KIRREL3: variants seen among roughly 807,000 people sequenced by gnomAD.
KIRREL3 encodes kin of IRRE-like protein 3.
KIRREL3 carries 36 observed loss-of-function variants against 89.7 expected under a neutral mutation model. The ratio of observed to expected loss-of-function variants is 0.40; its 90% CI spans 0.31 to 0.53. The LOEUF is 0.53. KIRREL3 is among the 20% of genes least tolerant of loss of function. KIRREL3 has a pLI of 0.49. For synonymous variants in KIRREL3, 445 were observed against 441.4 expected (o/e 1.01, Z -0.10); for missense variants, 864 against 1,056.6 (o/e 0.82, Z 2.53).
chr11:126,707,869 A>G (rs1361598245), intron 1 of KIRREL3, among the ~76,000 whole-genome samples: 1 of 146,956 alleles, frequency 6.8e-6, no homozygotes, highest in Non-Finnish European at 1.5e-5. Flanking sequence ...GAATCCTTCC[A>G]CTCTGGGCCA....
rs745571926 is a variant in KIRREL3, at chr11:126,987,514, C to T, written c.55+12941G>A. Among the ~76,000 whole-genome samples, 4 of 152,156 alleles carry T rather than the reference C, an allele frequency of 2.6e-5. No individual in the cohort carries two copies. The highest frequency in any genetic ancestry group is 6.5e-5 in the Admixed American group (1 of 15,278). Reference sequence around the variant, plus strand: ...GATTCTGACCAGTTCCAGTATTCAGCTGTTTTCACCTGTAAAGTATGGATT... The same window carrying T: ...GATTCTGACCAGTTCCAGTATTCAGTTGTTTTCACCTGTAAAGTATGGATT... On this transcript the variant is annotated intron_variant, in intron 1 of 16. Transcript: ENST00000525144. The surrounding 1 kb of genome is among the most constrained non-coding windows in gnomAD (Gnocchi z 4.6).
rs536715887 is a variant in KIRREL3, at chr11:126,703,239, G to A, written c.56-140327C>T. 1.2e-4 allele frequency among the ~76,000 whole-genome samples: 19 copies of A among 152,306 alleles called. No individual in the cohort carries two copies. In the South Asian group the frequency reaches 3.9e-3, roughly 32 times the overall value. On this transcript the variant is annotated intron_variant, in intron 1 of 16. Transcript: ENST00000525144. This position sits in a 1 kb window ranked among gnomAD's most constrained non-coding sequence, Gnocchi z 4.6. The stretch of plus-strand genomic sequence containing the variant: ...CTTCACAGGCTGGGCTGCCATGAGC[G>A]GCTGCTGCAGGCTGTGCACTGCACA...
Position 126,491,201 on chromosome 11 carries a change from A to G in KIRREL3, c.434-17735T>C, listed in dbSNP as rs1343381758. On this transcript the variant is annotated intron_variant, in intron 4 of 16. Coordinates refer to ENST00000525144, the MANE Select transcript of KIRREL3 (RefSeq NM_032531.4). The surrounding 1 kb of genome is among the most constrained non-coding windows in gnomAD (Gnocchi z 5.5). Reference sequence around the variant, plus strand: ...CCCCGGGCGTCAGCGTCTGCATCTGAAAGTGGGCATGGCGGTGAAACCACC... The same window carrying G: ...CCCCGGGCGTCAGCGTCTGCATCTGGAAGTGGGCATGGCGGTGAAACCACC... Among the ~76,000 whole-genome samples the G allele has an allele frequency of 6.6e-6, 1 of 152,178 alleles. No homozygotes were observed. The highest frequency in any genetic ancestry group is 1.5e-5 in the Non-Finnish European group (1 of 68,034).
At position 126,769,489 on chromosome 11, in the gene KIRREL3, TTCTC is replaced by T. The variant is rs1376888635; in HGVS notation, c.56-206581_56-206578del. On this transcript the variant is annotated intron_variant, in intron 1 of 16. Coordinates refer to ENST00000525144, the MANE Select transcript of KIRREL3 (RefSeq NM_032531.4). The surrounding 1 kb of genome is among the most constrained non-coding windows in gnomAD (Gnocchi z 4.3). Reference sequence around the variant, plus strand: ...CCCGTGAAAACCGTGCACTCCTGTCTTCTCTCTAACAGTTAATGAGAACGATAGG... The same window carrying T: ...CCCGTGAAAACCGTGCACTCCTGTCTTCTAACAGTTAATGAGAACGATAGG... 6.6e-6 allele frequency among the ~76,000 whole-genome samples: 1 copy of T among 152,194 alleles called. No homozygotes were observed. Among genetic ancestry groups the T allele is most frequent in the Non-Finnish European group, 1.5e-5 (1 of 68,030 alleles).
intron 1 of KIRREL3, among the ~76,000 whole-genome samples, chr11:126,864,052 G>A (rs917253537): frequency 2.0e-5 from 3 of 152,178 alleles, no homozygotes; most frequent in Admixed American, 6.5e-5. Context: ...CTCCCCAACC[G>A]GGCATCCTCC....
intron 1 of KIRREL3, among the ~76,000 whole-genome samples, chr11:126,758,523 T>G (rs1334564545): frequency 6.6e-6 from 1 of 152,210 alleles, no homozygotes; most frequent in African/African-American, 2.4e-5. Flanking sequence ...TCAGACATCT[T>G]GATTTGCCTT....
In KIRREL3 at chr11:126,639,967, A is replaced by G. The variant is rs1375342993; in HGVS notation, c.56-77055T>C. On this transcript the variant is annotated intron_variant, in intron 1 of 16. Coordinates refer to ENST00000525144, the MANE Select transcript of KIRREL3 (RefSeq NM_032531.4). The surrounding 1 kb of genome is among the most constrained non-coding windows in gnomAD (Gnocchi z 4.3). ...TATCCATTAACTTATGCTAAATTAC[A>G]GTAAAGCATCTATGGAGGAACTTGA... Among the ~76,000 whole-genome samples the G allele has an allele frequency of 1.3e-5, 2 of 152,234 alleles. No homozygotes were observed. The highest frequency in any genetic ancestry group is 2.4e-5 in the African/African-American group (1 of 41,454).
chr11:126,509,991 CAAAAAAAAAAAAAAAA>C (rs58061522), intron 4 of KIRREL3, among the ~76,000 whole-genome samples: 1 of 62,062 alleles, frequency 1.6e-5, no homozygotes, highest in Non-Finnish European at 2.8e-5. Flanking sequence ...GACTCCGTCT[CAAAAAAAAAAAAAAAA>C]AAAAAAAAAA....
At position 126,942,254 on chromosome 11, in the gene KIRREL3, T is replaced by C. The variant is rs370677955; in HGVS notation, c.55+58201A>G. Among the ~76,000 whole-genome samples the C allele has an allele frequency of 1.5e-3, 228 of 152,280 alleles. 2 individuals are homozygous for C. The highest frequency in any genetic ancestry group is 5.1e-3 in the African/African-American group (210 of 41,552). ...AATAATAGTATTCTCAACCATATAG[T>C]TGAGTAAGAATTAAGTGCCTCTAAA... On this transcript the variant is annotated intron_variant, in intron 1 of 16. Coordinates refer to ENST00000525144, the MANE Select transcript of KIRREL3 (RefSeq NM_032531.4).
rs1054650392 is a variant in KIRREL3 at position 126,750,077 on chromosome 11, G to A, written c.56-187165C>T. On this transcript the variant is annotated intron_variant, in intron 1 of 16. Coordinates refer to ENST00000525144, the MANE Select transcript of KIRREL3 (RefSeq NM_032531.4). This position sits in a 1 kb window ranked among gnomAD's most constrained non-coding sequence, Gnocchi z 4.2. ...AAAATGCAGGCTGTGCTACTTAAATGGGGGCTTTTTGTGGATATTGAAAAT... is the reference window on the plus strand; with the variant it reads ...AAAATGCAGGCTGTGCTACTTAAATAGGGGCTTTTTGTGGATATTGAAAAT... Among the ~76,000 whole-genome samples, 1 of 152,156 alleles carries A rather than the reference G, an allele frequency of 6.6e-6. No individual in the cohort carries two copies. Among genetic ancestry groups the A allele is most frequent in the African/African-American group, 2.4e-5 (1 of 41,412 alleles).
At chr11:126,825,239 T>C (rs1672588207) in intron 1 of KIRREL3, among the ~76,000 whole-genome samples, 1 of 152,200 alleles carries the variant, frequency 6.6e-6, no homozygotes, top group South Asian at 2.1e-4. Context: ...ATGCTTCATG[T>C]CTGTGCACTT....
At chr11:126,590,858 C>T (rs1299119258) in intron 1 of KIRREL3, among the ~76,000 whole-genome samples, 5 of 152,160 alleles carry the variant, frequency 3.3e-5, no homozygotes, top group Admixed American at 1.3e-4. Flanking sequence ...CCTGTTCTCC[C>T]CACCCCTTCT....
chr11:126,993,936 A>G lies in KIRREL3; in HGVS notation c.55+6519T>C, dbSNP rs960136777. On this transcript the variant is annotated intron_variant, in intron 1 of 16. Coordinates refer to ENST00000525144, the MANE Select transcript of KIRREL3 (RefSeq NM_032531.4). The surrounding 1 kb of genome is among the most constrained non-coding windows in gnomAD (Gnocchi z 6.1). ...AGTTAAAAAGAAACTTGCAACAACA[A>G]TCCACTGAATACAGGCCAAGTGAGC... is the stretch of plus-strand genomic sequence containing the variant. 6.6e-6 allele frequency among the ~76,000 whole-genome samples: 1 copy of G among 152,192 alleles called. No individual in the cohort carries two copies. Among genetic ancestry groups the G allele is most frequent in the Non-Finnish European group, 1.5e-5 (1 of 68,030 alleles).
chr11:126,483,497 G>C (rs958747731), intron 4 of KIRREL3, among the ~76,000 whole-genome samples: 2 of 152,210 alleles, frequency 1.3e-5, no homozygotes, highest in Non-Finnish European at 2.9e-5. Flanking sequence ...CCTGCTGTTT[G>C]ATTCAGAACT....
rs778107432 is a variant in KIRREL3 at position 126,610,306 on chromosome 11, G to A, written c.56-47394C>T. On this transcript the variant is annotated intron_variant, in intron 1 of 16. Transcript: ENST00000525144. This position sits in a 1 kb window ranked among gnomAD's most constrained non-coding sequence, Gnocchi z 4.6. The stretch of plus-strand genomic sequence containing the variant: ...GGGGTTTCGGCATGTTCGTCAGGCT[G>A]GTCTTGAACTCCTGGTCTCAAACAA... 2.0e-5 allele frequency among the ~76,000 whole-genome samples: 3 copies of A among 152,156 alleles called. No individual in the cohort carries two copies. Among genetic ancestry groups the A allele is most frequent in the Non-Finnish European group, 4.4e-5 (3 of 68,028 alleles).
In KIRREL3 at chr11:126,611,239, C is replaced by T. The variant is rs956266294; in HGVS notation, c.56-48327G>A. Among the ~76,000 whole-genome samples the T allele has an allele frequency of 3.9e-5, 6 of 152,172 alleles. No homozygotes were observed. The highest frequency in any genetic ancestry group is 9.7e-5 in the African/African-American group (4 of 41,446). ...TGTAACGTTCTTGGCTCACAGCGCC[C>T]GGTGAATGTTAGCTGCTATTACTGT... On this transcript the variant is annotated intron_variant, in intron 1 of 16. Transcript: ENST00000525144. This position sits in a 1 kb window ranked among gnomAD's most constrained non-coding sequence, Gnocchi z 4.7.
At chr11:126,881,630 C>G (rs1443832563) in intron 1 of KIRREL3, among the ~76,000 whole-genome samples, 1 of 152,158 alleles carries the variant, frequency 6.6e-6, no homozygotes, top group East Asian at 1.9e-4. Context: ...TTACTGCAAC[C>G]TCTGCCTTGT....
Position 126,985,264 on chromosome 11 carries a change from C to T in KIRREL3, c.55+15191G>A, listed in dbSNP as rs1280893745. 6.6e-6 allele frequency among the ~76,000 whole-genome samples: 1 copy of T among 152,114 alleles called. No individual in the cohort carries two copies. The highest frequency in any genetic ancestry group is 1.5e-5 in the Non-Finnish European group (1 of 68,032). ...TGTCCAGAATCCCTGACACATTATG[C>T]TCTTTTCCCATGTAAGAAATACTGA... is the stretch of plus-strand genomic sequence containing the variant. On this transcript the variant is annotated intron_variant, in intron 1 of 16. Coordinates refer to ENST00000525144, the MANE Select transcript of KIRREL3 (RefSeq NM_032531.4). This position sits in a 1 kb window ranked among gnomAD's most constrained non-coding sequence, Gnocchi z 5.3.
chr11:126,815,455 G>A (rs1347774260), intron 1 of KIRREL3, among the ~76,000 whole-genome samples: 2 of 152,212 alleles, frequency 1.3e-5, no homozygotes, highest in Non-Finnish European at 2.9e-5. Context: ...AGGTTGTGGA[G>A]GGGATGAATG....
Sources: allele counts gnomAD v4.1 joint callset (sites outside exome capture counted in the v4.1 genomes callset), GRCh38; gene constraint gnomAD v4.1.1; non-coding constraint Gnocchi (gnomAD v3.1); transcripts MANE v1.5; gene names NCBI Gene and HGNC (gene_info 2026-07-23, HGNC 2026-07-21).